Variants in SNED1 observed in about 807,000 individuals in gnomAD.
The protein encoded by SNED1 is sushi, nidogen and EGF like domains 1.
Under a neutral mutation model 166.7 loss-of-function variants are expected in SNED1, and 81 were observed. The observed-to-expected ratio is 0.49, with a 90% CI of 0.41 to 0.58. The LOEUF is 0.58. Among genes scored for constraint, SNED1 ranks in the 20% least tolerant of loss-of-function variants. The pLI is 0.00. For missense variants in SNED1, 1,604 were observed against 2,000.2 expected (o/e 0.80, Z 3.78); for synonymous variants, 762 against 822.0 (o/e 0.93, Z 1.25).
chr2:241,026,805 A>G (rs543469884), intron 1 of SNED1, among the ~76,000 whole-genome samples: 1 of 152,380 alleles, frequency 6.6e-6, no homozygotes, highest in South Asian at 2.1e-4. Context: ...TGATTAAAGT[A>G]CATTCACATT....
At position 241,063,567 on chromosome 2, in the gene SNED1, G is replaced by C. The variant is rs1406502424; in HGVS notation, c.2372-20G>C. On this transcript the variant is annotated intron_variant, in intron 17 of 31. Transcript: ENST00000310397. Reference sequence around the variant, plus strand: ...TCAGACTTGAGCCAGCAACACCCTTGACACCCCTTCTCTGTGCAGAGAGGG... The same window carrying C: ...TCAGACTTGAGCCAGCAACACCCTTCACACCCCTTCTCTGTGCAGAGAGGG... The C allele has an allele frequency of 9.0e-6, 14 of 1,547,612 alleles. No homozygotes were observed. Among genetic ancestry groups the C allele is most frequent in the Non-Finnish European group, 1.2e-5 (14 of 1,131,054 alleles).
intron 16 of SNED1, among the ~76,000 whole-genome samples, chr2:241,062,447 T>C (rs2062263519): frequency 6.6e-6 from 1 of 152,230 alleles, no homozygotes; most frequent in Non-Finnish European, 1.5e-5. Context: ...CAGGTGACTA[T>C]TATACATTGA....
At chr2:241,011,232 G>A (rs2060389552) in intron 1 of SNED1, among the ~76,000 whole-genome samples, 1 of 107,450 alleles carries the variant, frequency 9.3e-6, no homozygotes, top group Non-Finnish European at 1.8e-5. Context: ...GTCTCCTGGG[G>A]GTTGCAGGTC....
intron 1 of SNED1, among the ~76,000 whole-genome samples, chr2:241,001,425 T>G (rs1476553094): frequency 6.6e-6 from 1 of 152,258 alleles, no homozygotes; most frequent in Non-Finnish European, 1.5e-5. Flanking sequence ...ACCCATTGTT[T>G]TGCTTCTTTC....
intron 31 of SNED1, chr2:241,090,361 C>G: frequency 6.5e-7 from 1 of 1,550,328 alleles, no homozygotes; most frequent in Non-Finnish European, 8.7e-7. Flanking sequence ...CCTCCTGTGA[C>G]AATGATGCCT....
intron 1 of SNED1, among the ~76,000 whole-genome samples, chr2:241,028,239 G>T (rs1438973910): frequency 2.6e-5 from 4 of 152,092 alleles, no homozygotes; most frequent in African/African-American, 9.7e-5. Flanking sequence ...TTTTCAGGCT[G>T]CCTTTTTACT....
rs2061944024 is a variant in SNED1, at chr2:241,053,440, G to C, written c.2257+114G>C. ...AAGCCTGGATGCCCAGCTCTGACCT[G>C]GTCCTGCCCCTGCTCCCCTCAGTCT... On this transcript the variant is annotated intron_variant, in intron 16 of 31. Transcript: ENST00000310397. 6.5e-6 allele frequency: 7 copies of C among 1,081,178 alleles called. No homozygotes were observed. In the South Asian group the frequency reaches 7.8e-5, roughly 12 times the overall value. 67.0% of individuals were successfully genotyped at this position (1,081,178 alleles called of 1,614,324 possible).
At chr2:241,084,651 ATCT>A (rs1263476692) in intron 29 of SNED1, among the ~76,000 whole-genome samples, 2 of 152,196 alleles carry the variant, frequency 1.3e-5, no homozygotes, top group African/African-American at 4.8e-5. Flanking sequence ...CTCAAAAATT[ATCT>A]TGTTTTAGAT....
Position 241,053,262 on chromosome 2 carries a change from C to T in SNED1, c.2193C>T (p.Ser731=), listed in dbSNP as rs574928163. The T allele has an allele frequency of 1.1e-5, 17 of 1,602,526 alleles. No individual in the cohort carries two copies. The highest frequency in any genetic ancestry group is 5.5e-5 in the South Asian group (5 of 90,522). Reference sequence around the variant, plus strand: ...CATGTGACCGTGGCTACAGCCTGAGCGCCCCCAGCCGCATCCGGGTCTGCC... The same window carrying T: ...CATGTGACCGTGGCTACAGCCTGAGTGCCCCCAGCCGCATCCGGGTCTGCC... The part of the protein sequence containing the change: ...LYACDRGYSL[S]APSRIRVCQP... The change falls in exon 16 of 32, where the codon AGC becomes AGT. Residue 731 remains serine, a synonymous_variant. Coordinates refer to ENST00000310397, the MANE Select transcript of SNED1 (RefSeq NM_001080437.3).
rs951768009 is a variant in SNED1, at chr2:241,018,296, C to T, written c.214-11988C>T. Among the ~76,000 whole-genome samples the T allele has an allele frequency of 6.6e-6, 1 of 152,222 alleles. No individual in the cohort carries two copies. The highest frequency in any genetic ancestry group is 6.5e-5 in the Admixed American group (1 of 15,284). On this transcript the variant is annotated intron_variant, in intron 1 of 31. Coordinates refer to ENST00000310397, the MANE Select transcript of SNED1 (RefSeq NM_001080437.3). The surrounding 1 kb of genome is among the most constrained non-coding windows in gnomAD (Gnocchi z 5.4). ...CAAGATGGAAGCAAGGTTGTGCCCACACATGCACTTACATGGGGGCACGTT... is the reference window on the plus strand; with the variant it reads ...CAAGATGGAAGCAAGGTTGTGCCCATACATGCACTTACATGGGGGCACGTT...
intron 16 of SNED1, among the ~76,000 whole-genome samples, chr2:241,057,318 G>T (rs1165530743): frequency 1.3e-5 from 2 of 150,352 alleles, no homozygotes; most frequent in Non-Finnish European, 2.9e-5. Context: ...GGCGGAGGTT[G>T]CAATGAGCCG....
intron 1 of SNED1, among the ~76,000 whole-genome samples, chr2:241,007,083 G>A (rs188338302): frequency 1.3e-5 from 2 of 152,340 alleles, no homozygotes; most frequent in East Asian, 1.9e-4. Flanking sequence ...ACATATAAAT[G>A]AGGGGGAAAA....
rs914661867 is a variant in SNED1 at position 241,094,567 on chromosome 2, A to G, written c.*2931A>G. The G allele has an allele frequency of 2.8e-6, 1 of 362,520 alleles. No homozygotes were observed. The highest frequency in any genetic ancestry group is 2.1e-5 in the African/African-American group (1 of 46,652). 22.5% of individuals were successfully genotyped at this position (362,520 alleles called of 1,614,324 possible). A position where few individuals can be genotyped will look rare whatever the true frequency, so the allele number is the denominator to read the frequency against. ...AACCAGCTCCTTATTTTTCTTTTAA[A>G]TAAAATAATACGATCCTAAGTCCAT... On this transcript the variant is annotated 3_prime_UTR_variant, in exon 32 of 32. Coordinates refer to ENST00000310397, the MANE Select transcript of SNED1 (RefSeq NM_001080437.3). The surrounding 1 kb of genome is among the most constrained non-coding windows in gnomAD (Gnocchi z 4.3).
rs976042546 is a variant in SNED1, at chr2:241,064,263, A to T, written c.2599+138A>T. 1 of 624,762 alleles carries T rather than the reference A, an allele frequency of 1.6e-6. No individual in the cohort carries two copies. The highest frequency in any genetic ancestry group is 2.0e-5 in the African/African-American group (1 of 50,608). The allele number at this position is 624,762 out of a possible 1,614,324, so 38.7% of individuals were successfully genotyped here. On this transcript the variant is annotated intron_variant, in intron 19 of 31. Coordinates refer to ENST00000310397, the MANE Select transcript of SNED1 (RefSeq NM_001080437.3). This position sits in a 1 kb window ranked among gnomAD's most constrained non-coding sequence, Gnocchi z 7.0. ...CCCGCCCTCTGCCCGCCGCCTTGGA[A>T]GTCCCCTTCTCAGGCCAGTGGCCCT...
intron 4 of SNED1, 46 bp downstream of exon 4, chr2:241,034,776 G>T: frequency 1.3e-6 from 2 of 1,488,366 alleles, no homozygotes; most frequent in Non-Finnish European, 1.8e-6. Flanking sequence ...GGCTGAGGAA[G>T]GGGGTTGATG....
chr2:241,049,912 C>G lies in SNED1; in HGVS notation c.1714C>G (p.His572Asp), dbSNP rs2061778707. The G allele has an allele frequency of 6.2e-7, 1 of 1,613,472 alleles. No individual in the cohort carries two copies. The highest frequency in any genetic ancestry group is 8.5e-7 in the Non-Finnish European group (1 of 1,179,636). Residue 572 changes from histidine (H) to aspartate (D), a missense_variant, in exon 12 of 32, where the codon CAC (histidine) becomes GAC (aspartate). Coordinates refer to ENST00000310397, the MANE Select transcript of SNED1 (RefSeq NM_001080437.3). ...CACCTGCGAGTGCCCGCGCGGGTTC[C>G]ACGGCAAGCACTGCGAGAAAGGTAT... ...SYTCECPRGFHGKHCEKARPH... is the reference protein window; with the variant it reads ...SYTCECPRGFDGKHCEKARPH...
At chr2:241,014,823 C>G (rs991016377) in intron 1 of SNED1, among the ~76,000 whole-genome samples, 2 of 152,106 alleles carry the variant, frequency 1.3e-5, no homozygotes, top group Non-Finnish European at 2.9e-5. Context: ...TCTAATACAC[C>G]TGGAGGTGAT....
chr2:241,009,773 A>G (rs1393695156), intron 1 of SNED1, among the ~76,000 whole-genome samples: 4 of 151,948 alleles, frequency 2.6e-5, no homozygotes, highest in African/African-American at 9.7e-5. Flanking sequence ...CACTGGAACA[A>G]CCCCTTGGGT....
At chr2:241,025,460 G>A (rs1290095063) in intron 1 of SNED1, among the ~76,000 whole-genome samples, 1 of 152,158 alleles carries the variant, frequency 6.6e-6, no homozygotes, top group African/African-American at 2.4e-5. Context: ...GAAATGCAAT[G>A]ACCTTGGAAC....
Sources: allele counts gnomAD v4.1 joint callset (sites outside exome capture counted in the v4.1 genomes callset), GRCh38; gene constraint gnomAD v4.1.1; non-coding constraint Gnocchi (gnomAD v3.1); transcripts MANE v1.5; gene names NCBI Gene and HGNC (gene_info 2026-07-23, HGNC 2026-07-21).